The following UGT1A7 variants were observed in gnomAD, a reference collection of about 807,000 sequenced individuals.
UGT1A7 encodes UDP glucuronosyltransferase family 1 member A7.
UGT1A7 carries 33 observed loss-of-function variants against 45.6 expected under a neutral mutation model. That is an observed-to-expected ratio of 0.72 (90% CI 0.55 to 0.97). The LOEUF (loss-of-function observed/expected upper bound fraction) is 0.97. UGT1A7 is among the 50% of genes least tolerant of loss of function. The pLI is 0.00. For synonymous variants in UGT1A7, 274 were observed against 250.6 expected (o/e 1.09, Z -0.88); for missense variants, 684 against 666.2 (o/e 1.03, Z -0.29).
intron 4 of UGT1A7, 143 bp downstream of exon 4, chr2:233,768,582 CTTTTTTT>C (rs139595073): frequency 1.2e-4 from 124 of 1,032,798 alleles, no homozygotes; most frequent in East Asian, 4.8e-4. Context: ...TTTATTTCTT[CTTTTTTT>C]TTTTTTTTTT....
chr2:233,706,466 C>T (rs1190606986), intron 1 of UGT1A7, among the ~76,000 whole-genome samples: 1 of 152,212 alleles, frequency 6.6e-6, no homozygotes, highest in African/African-American at 2.4e-5. Context: ...GAGGTTTCAC[C>T]ATAGGCTGGG....
intron 1 of UGT1A7, chr2:233,760,227 T>G: frequency 6.3e-7 from 1 of 1,581,154 alleles, no homozygotes; most frequent in Non-Finnish European, 8.5e-7. Flanking sequence ...ATCGATTGGT[T>G]TTTGCCATAT....
chr2:233,726,352 A>G (rs1342546979), intron 1 of UGT1A7, among the ~76,000 whole-genome samples: 1 of 152,162 alleles, frequency 6.6e-6, no homozygotes, highest in Non-Finnish European at 1.5e-5. Context: ...TGATTTATTT[A>G]TTTAAAACAC....
At chr2:233,746,150 G>A (rs1029682140) in intron 1 of UGT1A7, among the ~76,000 whole-genome samples, 1 of 151,866 alleles carries the variant, frequency 6.6e-6, no homozygotes, top group African/African-American at 2.4e-5. Flanking sequence ...GTGATAGCAT[G>A]ATTCCAAAGC....
At chr2:233,717,871 G>C (rs2076612840) in intron 1 of UGT1A7, 1 of 454,894 alleles carries the variant, frequency 2.2e-6, no homozygotes. Context: ...GATTGACTTG[G>C]AGAAAAGCCT....
At chr2:233,761,914 T>C (rs28900396) in intron 1 of UGT1A7, among the ~76,000 whole-genome samples, 9,111 of 152,302 alleles carry the variant, frequency 0.06, 854 homozygotes, top group African/African-American at 0.21. Flanking sequence ...GAGGATCTAC[T>C]GGCAGCCCAG....
At chr2:233,686,885 T>C (rs2074810019) in intron 1 of UGT1A7, among the ~76,000 whole-genome samples, 1 of 152,196 alleles carries the variant, frequency 6.6e-6, no homozygotes, top group Non-Finnish European at 1.5e-5. Flanking sequence ...TTCTGCATGA[T>C]TCCTGCCCCA....
intron 1 of UGT1A7, among the ~76,000 whole-genome samples, chr2:233,705,148 AAGAGAG>A (rs939982250): frequency 6.6e-6 from 1 of 150,886 alleles, no homozygotes; most frequent in Non-Finnish European, 1.5e-5. Flanking sequence ...AAAAAAAAAA[AAGAGAG>A]AGAGAGAGAG....
At chr2:233,711,149 C>T (rs562452811) in intron 1 of UGT1A7, among the ~76,000 whole-genome samples, 72 of 152,204 alleles carry the variant, frequency 4.7e-4, no homozygotes, top group Non-Finnish European at 8.1e-4. Flanking sequence ...TTGGGCTGCT[C>T]CTCCTATTTC....
At chr2:233,709,424 T>C (rs1189444828) in intron 1 of UGT1A7, among the ~76,000 whole-genome samples, 1 of 152,212 alleles carries the variant, frequency 6.6e-6, no homozygotes. Flanking sequence ...AAGAATGTCC[T>C]CCAGAAAGGA....
chr2:233,718,727 A>T, intron 1 of UGT1A7: 1 of 1,610,864 alleles, frequency 6.2e-7, no homozygotes, highest in Non-Finnish European at 8.5e-7. Flanking sequence ...CTGATTTGCT[A>T]GGTGGCTCAA....
At chr2:233,756,247 A>C (rs1418468215) in intron 1 of UGT1A7, 1 of 152,214 alleles carries the variant, frequency 6.6e-6, no homozygotes, top group Non-Finnish European at 1.5e-5. Context: ...CCTTCCCCAT[A>C]CCAAAATCTA....
rs28900383 is a variant in UGT1A7, at chr2:233,748,795, A to T, written c.856-18239A>T. Among the ~76,000 whole-genome samples the T allele has an allele frequency of 9.8e-3, 1,488 of 151,368 alleles. 50 individuals are homozygous for T. The highest frequency in any genetic ancestry group is 0.035 in the African/African-American group (1,419 of 40,884). ...ATTGGGTCTTCTACTTGGAATGCTGAAATTATCAAGAAATTGTGGAAGGGT... is the reference window on the plus strand; with the variant it reads ...ATTGGGTCTTCTACTTGGAATGCTGTAATTATCAAGAAATTGTGGAAGGGT... On this transcript the variant is annotated intron_variant, in intron 1 of 4. Transcript: ENST00000373426.
intron 1 of UGT1A7, among the ~76,000 whole-genome samples, chr2:233,766,376 C>T (rs1699131127): frequency 6.6e-6 from 1 of 152,176 alleles, no homozygotes; most frequent in Admixed American, 6.5e-5. Context: ...GAGTTCTTCT[C>T]AATGTCCAGC....
At chr2:233,722,231 T>C (rs1012078678) in intron 1 of UGT1A7, among the ~76,000 whole-genome samples, 1 of 152,246 alleles carries the variant, frequency 6.6e-6, no homozygotes, top group Non-Finnish European at 1.5e-5. Context: ...AAAATCTTTA[T>C]CATGTATTAT....
intron 1 of UGT1A7, among the ~76,000 whole-genome samples, chr2:233,700,981 G>C (rs1279444700): frequency 6.7e-6 from 1 of 149,674 alleles, no homozygotes; most frequent in African/African-American, 2.5e-5. Flanking sequence ...TTGATTTTTT[G>C]TCCTTGCGAT....
At chr2:233,738,500 C>T (rs1380943528) in intron 1 of UGT1A7, among the ~76,000 whole-genome samples, 1 of 152,068 alleles carries the variant, frequency 6.6e-6, no homozygotes, top group Admixed American at 6.5e-5. Context: ...CGGTTTTGAC[C>T]AAAATGCTGA....
At chr2:233,692,730 T>C in intron 1 of UGT1A7, 1 of 933,346 alleles carries the variant, frequency 1.1e-6, no homozygotes, top group Non-Finnish European at 1.4e-6. Flanking sequence ...CTATAACTTT[T>C]CAGAGAGGGA....
chr2:233,703,357 C>T (rs1254530363), intron 1 of UGT1A7, among the ~76,000 whole-genome samples: 1 of 151,876 alleles, frequency 6.6e-6, no homozygotes, highest in Non-Finnish European at 1.5e-5. Flanking sequence ...GTTAATCTAA[C>T]TTTAGGTTTA....
Sources: gnomAD v4.1 joint callset for allele counts (sites outside exome capture counted in the v4.1 genomes callset) on GRCh38, gnomAD v4.1.1 for gene constraint, MANE v1.5 for transcripts, NCBI Gene and HGNC (gene_info 2026-07-23, HGNC 2026-07-21) for gene names.